ZC3H12B: variants seen among roughly 807,000 people sequenced by gnomAD.
ZC3H12B encodes the protein zinc finger CCCH-type containing 12B, also known as probable ribonuclease ZC3H12B.
Under a neutral mutation model 43.9 loss-of-function variants are expected in ZC3H12B, and 7 were observed. The ratio of observed to expected loss-of-function variants is 0.16; its 90% CI spans 0.09 to 0.30. ZC3H12B has a LOEUF of 0.30. ZC3H12B is among the 10% of genes least tolerant of loss of function. The pLI is 1.00. For missense variants in ZC3H12B, 475 were observed against 670.2 expected (o/e 0.71, Z 3.22); for synonymous variants, 222 against 241.7 (o/e 0.92, Z 0.76).
At chrX:65,157,628 T>C in the ZC3H12B span, among the ~76,000 whole-genome samples, 2 of 111,661 alleles carry the variant, frequency 1.8e-5, no homozygotes, top group Admixed American at 9.6e-5. Flanking sequence ...AGAATATAGA[T>C]AGATTTTTCC....
chrX:65,056,006 C>T, the ZC3H12B span, among the ~76,000 whole-genome samples: 1 of 111,765 alleles, frequency 8.9e-6, no homozygotes, highest in East Asian at 2.8e-4. Context: ...TGCTAGCAGT[C>T]TATCAATTTT....
chrX:65,407,130 CGAGGAAGAAAAGAAAGAAGACT>C (rs1382365369), intron 3 of ZC3H12B, among the ~76,000 whole-genome samples: 5 of 112,418 alleles, frequency 4.4e-5, no homozygotes, highest in South Asian at 3.7e-4. Flanking sequence ...GAAAGAAGAC[CGAGGAAGAAAAGAAAGAAGACT>C]GAGGAAGAAA....
At chrX:65,358,027 A>AAAC in the ZC3H12B span, among the ~76,000 whole-genome samples, 1 of 110,695 alleles carries the variant, frequency 9.0e-6, no homozygotes, top group African/African-American at 3.3e-5. Flanking sequence ...AGTAAAAAAA[A>AAAC]AAAAACAGCC....
chrX:65,161,672 C>G, the ZC3H12B span, among the ~76,000 whole-genome samples: 76 of 111,760 alleles, frequency 6.8e-4, no homozygotes, highest in African/African-American at 2.2e-3. Context: ...AAGTGAGATG[C>G]GTTTCCTGAA....
At chrX:65,262,496 G>T in the ZC3H12B span, among the ~76,000 whole-genome samples, 1 of 111,416 alleles carries the variant, frequency 9.0e-6, no homozygotes, top group African/African-American at 3.2e-5. Context: ...GGGTGATGTT[G>T]TGTAACTTGT....
At chrX:65,175,004 A>T in the ZC3H12B span, among the ~76,000 whole-genome samples, 1 of 112,026 alleles carries the variant, frequency 8.9e-6, no homozygotes, top group African/African-American at 3.2e-5. Flanking sequence ...TTTGTGCTTG[A>T]AACCCAGGCC....
the ZC3H12B span, among the ~76,000 whole-genome samples, chrX:65,345,904 C>T: frequency 9.0e-6 from 1 of 111,092 alleles, no homozygotes; most frequent in African/African-American, 3.3e-5. Flanking sequence ...AGGAATACAT[C>T]TAATCAAAGA....
At chrX:65,258,754 G>A in the ZC3H12B span, among the ~76,000 whole-genome samples, 1 of 111,471 alleles carries the variant, frequency 9.0e-6, no homozygotes, top group African/African-American at 3.3e-5. Flanking sequence ...AAAATCAGTA[G>A]CATTCCTATA....
chrX:65,043,048 G>T, the ZC3H12B span, among the ~76,000 whole-genome samples: 5 of 111,377 alleles, frequency 4.5e-5, no homozygotes, highest in African/African-American at 1.6e-4. Context: ...CAATATCTAC[G>T]AATTCCAATT....
chrX:65,146,633 T>C, the ZC3H12B span, among the ~76,000 whole-genome samples: 1 of 111,646 alleles, frequency 9.0e-6, no homozygotes, highest in Non-Finnish European at 1.9e-5. Context: ...TTATTCAGAT[T>C]CTTTTGTCTC....
the ZC3H12B span, among the ~76,000 whole-genome samples, chrX:65,089,230 T>A: frequency 1.1e-4 from 12 of 111,561 alleles, no homozygotes; most frequent in South Asian, 4.5e-3. Flanking sequence ...AGAATGTACT[T>A]ACGCAAACCT....
the ZC3H12B span, among the ~76,000 whole-genome samples, chrX:65,148,331 C>A: frequency 9.0e-6 from 1 of 111,295 alleles, no homozygotes; most frequent in African/African-American, 3.3e-5. Flanking sequence ...AATTGCAGAG[C>A]TAGCCTGGTG....
At chrX:65,386,777 G>A (rs1158290659) in intron 2 of ZC3H12B, among the ~76,000 whole-genome samples, 7 of 110,617 alleles carry the variant, frequency 6.3e-5, no homozygotes, top group Admixed American at 9.6e-5. Context: ...TCTCTTGTGG[G>A]CATTTAGTGC....
the ZC3H12B span, among the ~76,000 whole-genome samples, chrX:65,177,024 C>T: frequency 8.9e-6 from 1 of 112,183 alleles, no homozygotes; most frequent in African/African-American, 3.2e-5. Flanking sequence ...TTGTGAAGAT[C>T]CTCAATAAAA....
chrX:65,243,412 G>T, the ZC3H12B span, among the ~76,000 whole-genome samples: 1 of 111,730 alleles, frequency 9.0e-6, no homozygotes, highest in Non-Finnish European at 1.9e-5. Context: ...AACCCACAAT[G>T]ATATATTATC....
At chrX:65,369,271 G>A (rs946772555) in intron 2 of ZC3H12B, among the ~76,000 whole-genome samples, 1 of 111,375 alleles carries the variant, frequency 9.0e-6, no homozygotes, top group African/African-American at 3.3e-5. Context: ...ATCACTTGTG[G>A]AACTTTACAA....
the ZC3H12B span, among the ~76,000 whole-genome samples, chrX:65,043,289 A>T: frequency 9.0e-6 from 1 of 110,805 alleles, no homozygotes; most frequent in East Asian, 2.8e-4. Context: ...AGACACATGT[A>T]TGTTTCTTAA....
At chrX:65,344,038 G>A in the ZC3H12B span, among the ~76,000 whole-genome samples, 3 of 111,773 alleles carry the variant, frequency 2.7e-5, no homozygotes, top group African/African-American at 9.7e-5. Flanking sequence ...CACCAATGAC[G>A]GTCAAGCCAA....
chrX:65,394,820 T>C (rs976615957), intron 2 of ZC3H12B, among the ~76,000 whole-genome samples: 4 of 112,329 alleles, frequency 3.6e-5, no homozygotes, highest in Admixed American at 9.4e-5. Context: ...AGATATTGAT[T>C]CTTCCTATCC....
Sources: gnomAD v4.1 joint callset for allele counts (sites outside exome capture counted in the v4.1 genomes callset) on GRCh38, gnomAD v4.1.1 for gene constraint, MANE v1.5 for transcripts, NCBI Gene and HGNC (gene_info 2026-07-23, HGNC 2026-07-21) for gene names.